The following GABRA4 variants were observed in gnomAD, a reference collection of about 807,000 sequenced individuals.
The protein encoded by GABRA4 is gamma-aminobutyric acid receptor subunit alpha-4.
Under a neutral mutation model 49.7 loss-of-function variants are expected in GABRA4, and 12 were observed. That is an observed-to-expected ratio of 0.24 (90% confidence interval 0.15 to 0.39). The LOEUF is 0.39. GABRA4 is among the 10% of genes least tolerant of loss of function. The probability of loss-of-function intolerance (pLI) is 1.00; values close to 1 mark genes in which losing one functional copy is unlikely to be tolerated. For missense variants in GABRA4, 506 were observed against 686.0 expected (o/e 0.74, Z 2.93); for synonymous variants, 288 against 240.2 (o/e 1.20, Z -1.84).
chr4:46,958,655 T>C (rs2109366234), intron 8 of GABRA4, among the ~76,000 whole-genome samples: 1 of 152,064 alleles, frequency 6.6e-6, no homozygotes, highest in East Asian at 1.9e-4. Context: ...GTTTGCCTTC[T>C]GAGACGCCCA....
rs1720908240 is a variant in GABRA4 at position 46,919,828 on chromosome 4, C to A, written c.*8397G>T. On this transcript the variant is annotated 3_prime_UTR_variant, in exon 9 of 9. Coordinates refer to ENST00000264318, the MANE Select transcript of GABRA4 (RefSeq NM_000809.4). Reference sequence around the variant, plus strand: ...AGGATAAGCCAGTGGAAAAAATTAACCTTCTATTTCAAACTACAGACATTC... The same window carrying A: ...AGGATAAGCCAGTGGAAAAAATTAAACTTCTATTTCAAACTACAGACATTC... The A allele has an allele frequency of 1.3e-5, 2 of 151,636 alleles. No individual in the cohort carries two copies. The highest frequency in any genetic ancestry group is 4.8e-5 in the African/African-American group (2 of 41,398). 9.4% of individuals were successfully genotyped at this position (151,636 alleles called of 1,614,324 possible). A position where few individuals can be genotyped will look rare whatever the true frequency, so the allele number is the denominator to read the frequency against.
intron 2 of GABRA4, among the ~76,000 whole-genome samples, chr4:46,980,813 G>A (rs763499330): frequency 1.3e-5 from 2 of 152,054 alleles, no homozygotes; most frequent in Non-Finnish European, 1.5e-5. Flanking sequence ...ACTCAAGTAG[G>A]TTCAACAGTG....
intron 8 of GABRA4, among the ~76,000 whole-genome samples, chr4:46,933,038 C>T (rs1048443169): frequency 1.3e-5 from 2 of 151,998 alleles, no homozygotes; most frequent in Non-Finnish European, 2.9e-5. Flanking sequence ...TAAAAAGAAT[C>T]AGTCTAAGGT....
chr4:46,983,815 G>C (rs960483461), intron 2 of GABRA4, among the ~76,000 whole-genome samples: 1 of 152,012 alleles, frequency 6.6e-6, no homozygotes, highest in African/African-American at 2.4e-5. Flanking sequence ...ATGCATTTGT[G>C]CAACATTAAA....
intron 8 of GABRA4, among the ~76,000 whole-genome samples, chr4:46,937,150 G>A (rs1283762153): frequency 3.3e-5 from 5 of 152,146 alleles, no homozygotes; most frequent in Non-Finnish European, 7.4e-5. Flanking sequence ...AGAAATACCA[G>A]GTTTCTCTCT....
intron 5 of GABRA4, among the ~76,000 whole-genome samples, chr4:46,976,143 G>A (rs970932384): frequency 5.3e-5 from 8 of 151,638 alleles, no homozygotes; most frequent in Non-Finnish European, 1.0e-4. Context: ...CTCAGAGAAG[G>A]GAGCTTAAGG....
intron 8 of GABRA4, among the ~76,000 whole-genome samples, chr4:46,944,111 C>A (rs184397132): frequency 6.6e-6 from 1 of 151,870 alleles, no homozygotes; most frequent in East Asian, 1.9e-4. Flanking sequence ...TAAATTTGCA[C>A]GAAAGTAAAC....
At chr4:46,986,662 G>A (rs1723551596) in intron 2 of GABRA4, among the ~76,000 whole-genome samples, 2 of 151,866 alleles carry the variant, frequency 1.3e-5, no homozygotes, top group South Asian at 4.2e-4. Context: ...CATGTATATT[G>A]ACATACTCAT....
chr4:46,932,333 A>ACT, intron 8 of GABRA4, among the ~76,000 whole-genome samples: 1 of 152,268 alleles, frequency 6.6e-6, no homozygotes, highest in South Asian at 2.1e-4. Flanking sequence ...GTTACAGGTC[A>ACT]CTGGAAGTCA....
chr4:46,966,468 C>G (rs940602536), intron 7 of GABRA4, among the ~76,000 whole-genome samples: 2 of 151,650 alleles, frequency 1.3e-5, no homozygotes, highest in Non-Finnish European at 2.9e-5. Flanking sequence ...CTCCTCAATT[C>G]AGAATTTTGT....
Position 46,937,389 on chromosome 4 carries a change from A to G in GABRA4, c.1135-8634T>C, listed in dbSNP as rs116712000. On this transcript the variant is annotated intron_variant, in intron 8 of 8. Transcript: ENST00000264318. ...GAAACTAAAAGAATAATCTAACGTCAATAAAATTAAATTCAAGACACACAG... is the reference window on the plus strand; with the variant it reads ...GAAACTAAAAGAATAATCTAACGTCGATAAAATTAAATTCAAGACACACAG... Among the ~76,000 whole-genome samples the G allele has an allele frequency of 5.7e-3, 862 of 152,330 alleles. 11 individuals are homozygous for G. The highest frequency in any genetic ancestry group is 0.02 in the African/African-American group (823 of 41,576).
chr4:46,978,518 T>A (rs1208394200), intron 3 of GABRA4, among the ~76,000 whole-genome samples: 1 of 150,360 alleles, frequency 6.7e-6, no homozygotes, highest in Non-Finnish European at 1.5e-5. Context: ...AGACACCCTA[T>A]CTCTACTAGA....
chr4:46,969,339 G>T (rs539354070), intron 7 of GABRA4, among the ~76,000 whole-genome samples: 1 of 151,426 alleles, frequency 6.6e-6, no homozygotes. Context: ...TTTAATGAGG[G>T]TAGCTCCAGA....
chr4:46,927,956 T>C lies in GABRA4; in HGVS notation c.*269A>G, dbSNP rs1484890590. 4 of 279,378 alleles carry C rather than the reference T, an allele frequency of 1.4e-5. No individual in the cohort carries two copies. The highest frequency in any genetic ancestry group is 2.7e-5 in the Non-Finnish European group (4 of 148,902). 17.3% of individuals were successfully genotyped at this position (279,378 alleles called of 1,614,324 possible). ...ATATGCGCCACTTGTCTCTAATAGC[T>C]CTATTTCTCTTATCCCAACTTTCCA... On this transcript the variant is annotated 3_prime_UTR_variant, in exon 9 of 9. Coordinates refer to ENST00000264318, the MANE Select transcript of GABRA4 (RefSeq NM_000809.4).
intron 5 of GABRA4, among the ~76,000 whole-genome samples, chr4:46,975,575 T>G (rs1374165769): frequency 6.6e-6 from 1 of 151,944 alleles, no homozygotes; most frequent in Non-Finnish European, 1.5e-5. Context: ...AATCCTTACC[T>G]GCTGAGTATG....
At chr4:46,982,610 C>A (rs1031285545) in intron 2 of GABRA4, among the ~76,000 whole-genome samples, 2 of 152,024 alleles carry the variant, frequency 1.3e-5, no homozygotes, top group African/African-American at 4.8e-5. Context: ...TTTCCTGGAG[C>A]TTTCTTCTTC....
chr4:46,933,525 A>C (rs1252875586), intron 8 of GABRA4, among the ~76,000 whole-genome samples: 1 of 152,174 alleles, frequency 6.6e-6, no homozygotes, highest in Non-Finnish European at 1.5e-5. Context: ...GCTCTCTGCC[A>C]AGCAGTTAAA....
intron 2 of GABRA4, among the ~76,000 whole-genome samples, chr4:46,989,238 T>C (rs1331955454): frequency 6.6e-6 from 1 of 152,200 alleles, no homozygotes; most frequent in Non-Finnish European, 1.5e-5. Flanking sequence ...TCCTGGTAGT[T>C]AGTAAATACC....
At chr4:46,948,770 C>G (rs1293669085) in intron 8 of GABRA4, among the ~76,000 whole-genome samples, 1 of 151,964 alleles carries the variant, frequency 6.6e-6, no homozygotes, top group Non-Finnish European at 1.5e-5. Flanking sequence ...TTGATGACTG[C>G]TTTACAAAAT....
Sources: allele counts gnomAD v4.1 joint callset (sites outside exome capture counted in the v4.1 genomes callset), GRCh38; gene constraint gnomAD v4.1.1; transcripts MANE v1.5; gene names NCBI Gene and HGNC (gene_info 2026-07-23, HGNC 2026-07-21).